ANO6: variants seen among roughly 807,000 people sequenced by gnomAD.
The protein encoded by ANO6 is anoctamin-6.
In ANO6, 106 loss-of-function variants were observed where a neutral mutation model predicts 117.5. The observed-to-expected ratio is 0.90, with a 90% confidence interval of 0.77 to 1.06. ANO6 has a LOEUF of 1.06. ANO6 is among the 50% of genes least tolerant of loss of function. The pLI, the probability that ANO6 is intolerant of heterozygous loss-of-function variation, is 0.00. For missense variants in ANO6, 955 were observed against 1,121.1 expected (o/e 0.85, Z 2.12); for synonymous variants, 367 against 385.1 (o/e 0.95, Z 0.55).
intron 1 of ANO6, among the ~76,000 whole-genome samples, chr12:45,237,871 C>T (rs1219407748): frequency 1.3e-5 from 2 of 152,138 alleles, no homozygotes; most frequent in African/African-American, 2.4e-5. Context: ...GAATGTTCTT[C>T]CATTTGTTTG....
At chr12:45,240,742 C>G (rs548968306) in intron 1 of ANO6, among the ~76,000 whole-genome samples, 11 of 152,154 alleles carry the variant, frequency 7.2e-5, no homozygotes, top group African/African-American at 2.4e-4. Flanking sequence ...GTAAGGCAGG[C>G]CTGGTGGTGA....
chr12:45,305,355 A>C (rs1939634520), intron 2 of ANO6, among the ~76,000 whole-genome samples: 1 of 151,938 alleles, frequency 6.6e-6, no homozygotes, highest in Admixed American at 6.6e-5. Context: ...CTGTTTTATA[A>C]CTCGTTTCAT....
At chr12:45,438,078 T>C (rs977606400) in intron 19 of ANO6, among the ~76,000 whole-genome samples, 11 of 152,252 alleles carry the variant, frequency 7.2e-5, no homozygotes, top group Admixed American at 1.3e-4. Context: ...CTGTCTCTGA[T>C]GCAGGGTCTG....
At chr12:45,357,763 G>T (rs1428452972) in intron 8 of ANO6, among the ~76,000 whole-genome samples, 1 of 152,196 alleles carries the variant, frequency 6.6e-6, no homozygotes, top group Non-Finnish European at 1.5e-5. Context: ...CTGCAGATGT[G>T]AGCCAAAAGC....
intron 12 of ANO6, among the ~76,000 whole-genome samples, chr12:45,392,108 C>T (rs1002004011): frequency 1.3e-5 from 2 of 152,144 alleles, no homozygotes; most frequent in African/African-American, 2.4e-5. Flanking sequence ...CAAGGGAAGC[C>T]GTGACAGACT....
chr12:45,380,841 G>A (rs1040756523), intron 10 of ANO6, among the ~76,000 whole-genome samples: 2 of 152,064 alleles, frequency 1.3e-5, no homozygotes, highest in Non-Finnish European at 2.9e-5. Context: ...GTGTGATGGT[G>A]CACACCTGTA....
chr12:45,378,622 C>T (rs1036983258), intron 10 of ANO6, among the ~76,000 whole-genome samples: 4 of 152,156 alleles, frequency 2.6e-5, no homozygotes, highest in African/African-American at 9.7e-5. Flanking sequence ...GCTAATGTCC[C>T]ATCAACCAAA....
Position 45,229,254 on chromosome 12 carries a change from T to C in ANO6, c.70+12863T>C, listed in dbSNP as rs935446671. ...CCAAGGGTGTGGACAGGCACCCTGC[T>C]GTATGTACTGTGGAGAGCTATGTTG... On this transcript the variant is annotated intron_variant, in intron 1 of 19. Transcript: ENST00000320560. Among the ~76,000 whole-genome samples the C allele has an allele frequency of 1.8e-4, 28 of 152,190 alleles. 1 individual carries two copies. Among genetic ancestry groups the C allele is most frequent in the Non-Finnish European group, 1.5e-5 (1 of 68,034 alleles).
chr12:45,345,254 C>T (rs1815533535), intron 3 of ANO6, among the ~76,000 whole-genome samples: 1 of 152,234 alleles, frequency 6.6e-6, no homozygotes, highest in African/African-American at 2.4e-5. Flanking sequence ...AGGGATTCCA[C>T]TTGGACTCAA....
intron 17 of ANO6, among the ~76,000 whole-genome samples, chr12:45,420,782 G>A (rs1943338384): frequency 6.6e-6 from 1 of 152,066 alleles, no homozygotes; most frequent in Non-Finnish European, 1.5e-5. Context: ...AGGCTGAGGT[G>A]GGCAGATCAC....
intron 12 of ANO6, among the ~76,000 whole-genome samples, chr12:45,399,650 T>C (rs1942731957): frequency 6.6e-6 from 1 of 152,100 alleles, no homozygotes; most frequent in Admixed American, 6.5e-5. Flanking sequence ...CATGTTTGTC[T>C]CAAACCAATC....
intron 10 of ANO6, among the ~76,000 whole-genome samples, chr12:45,387,452 G>A (rs1427938194): frequency 6.6e-6 from 1 of 152,172 alleles, no homozygotes; most frequent in East Asian, 1.9e-4. Context: ...AAAAGCAGAT[G>A]AAGGATGGAT....
At chr12:45,355,262 G>T (rs1941380867) in intron 7 of ANO6, among the ~76,000 whole-genome samples, 1 of 152,088 alleles carries the variant, frequency 6.6e-6, no homozygotes, top group African/African-American at 2.4e-5. Flanking sequence ...GCATTTGAAG[G>T]AATCCTCATT....
chr12:45,295,098 C>T (rs1324417241), intron 1 of ANO6, among the ~76,000 whole-genome samples: 2 of 152,188 alleles, frequency 1.3e-5, no homozygotes, highest in African/African-American at 4.8e-5. Context: ...CCATGTAGCG[C>T]TCTTATGATT....
chr12:45,376,115 T>G (rs1188522235), intron 9 of ANO6, among the ~76,000 whole-genome samples: 1 of 151,482 alleles, frequency 6.6e-6, no homozygotes, highest in Non-Finnish European at 1.5e-5. Flanking sequence ...TCATCATCAC[T>G]GGCCATCAGA....
At position 45,310,826 on chromosome 12, in the gene ANO6, G is replaced by T. The variant is rs527960374; in HGVS notation, c.150+8733G>T. On this transcript the variant is annotated intron_variant, in intron 2 of 19. Transcript: ENST00000320560. Reference sequence around the variant, plus strand: ...CAAATGTGACAGTTCTCAAAAAGGGGTGAAGTTAGGGTAGAAGTTGGGCAT... The same window carrying T: ...CAAATGTGACAGTTCTCAAAAAGGGTTGAAGTTAGGGTAGAAGTTGGGCAT... Among the ~76,000 whole-genome samples the T allele has an allele frequency of 3.2e-4, 48 of 152,120 alleles. No homozygotes were observed. In the South Asian group the frequency reaches 1.0e-2, roughly 32 times the overall value.
At chr12:45,258,295 TTACA>T (rs1400873403) in intron 1 of ANO6, among the ~76,000 whole-genome samples, 1 of 152,198 alleles carries the variant, frequency 6.6e-6, no homozygotes, top group Non-Finnish European at 1.5e-5. Context: ...CAAACCACAG[TTACA>T]TACACATGCA....
chr12:45,293,592 C>G (rs1443949888), intron 1 of ANO6, among the ~76,000 whole-genome samples: 3 of 151,904 alleles, frequency 2.0e-5, no homozygotes, highest in African/African-American at 7.2e-5. Context: ...GAGACAGTCT[C>G]GCTCTGTTGC....
At chr12:45,369,537 A>G (rs995271893) in intron 9 of ANO6, among the ~76,000 whole-genome samples, 3 of 152,078 alleles carry the variant, frequency 2.0e-5, no homozygotes, top group African/African-American at 7.2e-5. Flanking sequence ...ATTCTATTCT[A>G]GTTTCCTGAA....
Sources: gnomAD v4.1 joint callset for allele counts (sites outside exome capture counted in the v4.1 genomes callset) on GRCh38, gnomAD v4.1.1 for gene constraint, MANE v1.5 for transcripts, NCBI Gene and HGNC (gene_info 2026-07-23, HGNC 2026-07-21) for gene names.